The following CFAP54 variants were observed in gnomAD, a reference collection of about 807,000 sequenced individuals.
The protein encoded by CFAP54 is cilia and flagella associated protein 54.
CFAP54 carries 290 observed loss-of-function variants against 370.4 expected under a neutral mutation model. That is an observed-to-expected ratio of 0.78 (90% CI 0.71 to 0.86). CFAP54 has a LOEUF of 0.86. Among genes scored for constraint, CFAP54 ranks in the 40% least tolerant of loss-of-function variants. The pLI is 0.00. For missense variants in CFAP54, 3,399 were observed against 3,528.7 expected (o/e 0.96, Z 0.93); for synonymous variants, 1,206 against 1,236.5 (o/e 0.98, Z 0.52).
rs1958064367 is a variant in CFAP54 at position 96,742,549 on chromosome 12, A to G, written c.7182A>G (p.Ala2394=). 2 of 1,613,394 alleles carry G rather than the reference A, an allele frequency of 1.2e-6. No individual in the cohort carries two copies. Among genetic ancestry groups the G allele is most frequent in the East Asian group, 2.2e-5 (1 of 44,826 alleles). The change falls in exon 52 of 68, where the codon GCA becomes GCG. Residue 2394 remains alanine, a synonymous_variant. Transcript: ENST00000524981. Reference sequence around the variant, plus strand: ...GGTGCCGCTTAGCATTGGTGACTGCATTTGTTGCACAGATTCATGGCATTG... The same window carrying G: ...GGTGCCGCTTAGCATTGGTGACTGCGTTTGTTGCACAGATTCATGGCATTG... The part of the protein sequence containing the change: ...WLRCRLALVT[A]FVAQIHGIGI...
intron 6 of CFAP54, 47 bp downstream of exon 6, chr12:96,519,118 A>C: frequency 7.8e-7 from 1 of 1,278,790 alleles, no homozygotes; most frequent in South Asian, 1.4e-5. Context: ...TTTTTTTTTG[A>C]GATGGAATCT....
chr12:96,600,782 A>T (rs1956231662), intron 26 of CFAP54, among the ~76,000 whole-genome samples: 1 of 152,164 alleles, frequency 6.6e-6, no homozygotes, highest in African/African-American at 2.4e-5. Flanking sequence ...GTGTATAGGA[A>T]TGCTTGTGAT....
chr12:96,644,803 A>G (rs1035406553), intron 33 of CFAP54, among the ~76,000 whole-genome samples: 12 of 152,156 alleles, frequency 7.9e-5, no homozygotes, highest in African/African-American at 2.9e-4. Context: ...TGATTCAGTT[A>G]CCTCCACCTG....
chr12:96,678,755 C>T (rs913781103), intron 39 of CFAP54, among the ~76,000 whole-genome samples: 2 of 152,088 alleles, frequency 1.3e-5, no homozygotes, highest in Non-Finnish European at 2.9e-5. Context: ...GCAAATGTGA[C>T]TTTATTACTC....
rs780856494 is a variant in CFAP54, at chr12:96,743,883, T to C, written c.7530T>C (p.Thr2510=). The C allele has an allele frequency of 6.2e-7, 1 of 1,613,544 alleles. No individual in the cohort carries two copies. Among genetic ancestry groups the C allele is most frequent in the Non-Finnish European group, 8.5e-7 (1 of 1,179,804 alleles). Residue 2510 remains threonine (T), a synonymous_variant, in exon 54 of 68, where the codon ACT becomes ACC. Coordinates refer to ENST00000524981, the MANE Select transcript of CFAP54 (RefSeq NM_001306084.2). ...SSKTGKLNLL[T]RAHSILTEQM... ...AAACAGGAAAATTAAATTTGTTAAC[T>C]CGGGCTCATAGCATTCTAACTGAAC...
intron 67 of CFAP54, among the ~76,000 whole-genome samples, chr12:96,861,466 CAT>C (rs539017538): frequency 7.7e-4 from 118 of 152,270 alleles, no homozygotes; most frequent in Middle Eastern, 3.4e-3. Flanking sequence ...TAAACCCCGA[CAT>C]GTGGTAATTT....
chr12:96,784,568 G>A (rs1053763307), intron 60 of CFAP54, 149 bp from the exon 61 acceptor site: 26 of 471,520 alleles, frequency 5.5e-5, no homozygotes, highest in Admixed American at 4.1e-4. Context: ...GGTGTTTGGT[G>A]TCTGCATGAT....
In CFAP54 at chr12:96,704,758, G is replaced by T; in HGVS notation, c.6490G>T (p.Asp2164Tyr). The T allele has an allele frequency of 8.1e-7, 1 of 1,229,174 alleles. No individual in the cohort carries two copies. The highest frequency in any genetic ancestry group is 1.5e-5 in the South Asian group (1 of 68,648). The allele number at this position is 1,229,174 out of a possible 1,614,324, so 76.1% of individuals were successfully genotyped here. A position where few individuals can be genotyped will look rare whatever the true frequency, so the allele number is the denominator to read the frequency against. ...TGKMKIFQSFDSGKLLTSKEN... is the reference protein window; with the variant it reads ...TGKMKIFQSFYSGKLLTSKEN... ...ATTTTGACAGATCTTTCAATCATTT[G>T]ACTCAGGAAAACTTCTTACCAGTAA... The change falls in exon 47 of 68, where the codon GAC becomes TAC. Residue 2164 changes from aspartate to tyrosine, a missense_variant. By Grantham distance (160) the Asp-to-Tyr change is radical. This residue lies in a region of CFAP54 where 2,796 missense variants were observed against 2,869.7 expected (regional missense o/e 0.97). Transcript: ENST00000524981.
intron 32 of CFAP54, 102 bp from the exon 33 acceptor site, chr12:96,644,076 C>A: frequency 1.3e-6 from 1 of 748,180 alleles, no homozygotes; most frequent in Non-Finnish European, 2.1e-6. Context: ...TAAGGGCAGT[C>A]AAGTGACTTA....
At chr12:96,820,762 A>G (rs1959023867) in intron 65 of CFAP54, among the ~76,000 whole-genome samples, 2 of 152,212 alleles carry the variant, frequency 1.3e-5, no homozygotes, top group African/African-American at 4.8e-5. Flanking sequence ...TATAAAGTGC[A>G]TGATTGCCCT....
At chr12:96,724,520 T>C (rs1272985631) in intron 50 of CFAP54, among the ~76,000 whole-genome samples, 2 of 152,122 alleles carry the variant, frequency 1.3e-5, no homozygotes, top group African/African-American at 4.8e-5. Flanking sequence ...TTTGATGGGG[T>C]TGTTTGTTTT....
At chr12:96,825,029 G>T (rs765864947) in intron 65 of CFAP54, among the ~76,000 whole-genome samples, 1 of 150,580 alleles carries the variant, frequency 6.6e-6, no homozygotes, top group East Asian at 1.9e-4. Flanking sequence ...TTGCTTATGT[G>T]TGACTCCCCC....
Position 96,630,085 on chromosome 12 carries a change from T to C in CFAP54, c.4104-8T>C. ...GGTCTTTTTGACTGACTTTATCTTT[T>C]TTATTAGGAGAAATGAGTCTCTACT... On this transcript the variant is annotated splice_polypyrimidine_tract_variant and splice_region_variant and intron_variant, in intron 30 of 67. Coordinates refer to ENST00000524981, the MANE Select transcript of CFAP54 (RefSeq NM_001306084.2). 10 of 1,375,368 alleles carry C rather than the reference T, an allele frequency of 7.3e-6. No individual in the cohort carries two copies. The highest frequency in any genetic ancestry group is 2.5e-5 in the East Asian group (1 of 39,836). 85.2% of individuals were successfully genotyped at this position (1,375,368 alleles called of 1,614,324 possible).
At chr12:96,770,737 G>C (rs566370348) in intron 60 of CFAP54, among the ~76,000 whole-genome samples, 2 of 152,316 alleles carry the variant, frequency 1.3e-5, no homozygotes, top group Non-Finnish European at 2.9e-5. Context: ...TTATGTTTCA[G>C]GAAAATCCTG....
chr12:96,497,688 A>G (rs980403946), intron 1 of CFAP54, among the ~76,000 whole-genome samples: 5 of 152,230 alleles, frequency 3.3e-5, no homozygotes, highest in Admixed American at 3.3e-4. Context: ...CCCAGTACCC[A>G]TAACAATATA....
rs755508021 is a variant in CFAP54, at chr12:96,691,110, A to T, written c.6082-18A>T. 3.1e-6 allele frequency: 5 copies of T among 1,607,542 alleles called. No individual in the cohort carries two copies. In the South Asian group the frequency reaches 5.6e-5, roughly 18 times the overall value. On this transcript the variant is annotated intron_variant, in intron 43 of 67. Transcript: ENST00000524981. The stretch of plus-strand genomic sequence containing the variant: ...TGCTATCTATAGCTCTTTATATTTC[A>T]CTTTTTTTCATTTTCAGGGTTTGCT...
chr12:96,747,399 A>G (rs1028963343), intron 55 of CFAP54, among the ~76,000 whole-genome samples: 7 of 152,234 alleles, frequency 4.6e-5, no homozygotes, highest in African/African-American at 1.4e-4. Context: ...TTAATCTGCT[A>G]TAATGAACTA....
At chr12:96,705,351 T>G (rs571263581) in intron 47 of CFAP54, among the ~76,000 whole-genome samples, 237 of 152,282 alleles carry the variant, frequency 1.6e-3, no homozygotes, top group Non-Finnish European at 2.8e-3. Context: ...AATGTAATCT[T>G]ATTACTTTTC....
chr12:96,644,154 C>A lies in CFAP54; in HGVS notation c.4317-24C>A, dbSNP rs144739925. 823 of 1,457,912 alleles carry A rather than the reference C, an allele frequency of 5.6e-4. 2 individuals are homozygous for A. In the African/African-American group the frequency reaches 0.011, roughly 19 times the overall value. 90.3% of individuals were successfully genotyped at this position (1,457,912 alleles called of 1,614,324 possible). A position where few individuals can be genotyped will look rare whatever the true frequency, so the allele number is the denominator to read the frequency against. On this transcript the variant is annotated intron_variant, in intron 32 of 67. Transcript: ENST00000524981. ...ATATCTGAAAGTTCTTGTGTAATTTCAAAACTTCTTTCTCCCTTGGCAGAA... is the reference window on the plus strand; with the variant it reads ...ATATCTGAAAGTTCTTGTGTAATTTAAAAACTTCTTTCTCCCTTGGCAGAA...
Sources: gnomAD v4.1 joint callset for allele counts (sites outside exome capture counted in the v4.1 genomes callset) on GRCh38, gnomAD v4.1.1 for gene constraint, gnomAD v4.1.1 regional missense constraint, MANE v1.5 for transcripts, NCBI Gene and HGNC (gene_info 2026-07-23, HGNC 2026-07-21) for gene names.